CTNNA3: variants seen among roughly 807,000 people sequenced by gnomAD.
CTNNA3 encodes the protein catenin alpha 3, also known as catenin alpha-3.
CTNNA3 carries 76 observed loss-of-function variants against 95.7 expected under a neutral mutation model. The ratio of observed to expected loss-of-function variants is 0.79; its 90% CI spans 0.66 to 0.96. The LOEUF is 0.96. Among genes scored for constraint, CTNNA3 ranks in the 40% least tolerant of loss-of-function variants. CTNNA3 has a pLI of 0.00. For synonymous variants in CTNNA3, 431 were observed against 374.4 expected (o/e 1.15, Z -1.74); for missense variants, 1,191 against 1,089.8 (o/e 1.09, Z -1.31).
At chr10:66,133,290 G>A (rs1018916107) in intron 13 of CTNNA3, among the ~76,000 whole-genome samples, 3 of 152,102 alleles carry the variant, frequency 2.0e-5, no homozygotes, top group African/African-American at 4.8e-5. Flanking sequence ...CAAGACAGGT[G>A]GATTACTTGA....
At chr10:65,947,240 C>A (rs1219448179) in intron 17 of CTNNA3, among the ~76,000 whole-genome samples, 2 of 152,056 alleles carry the variant, frequency 1.3e-5, no homozygotes, top group African/African-American at 4.8e-5. Context: ...AAAACAGTTT[C>A]ATAATAAATA....
chr10:66,159,679 T>C (rs1160596807), intron 13 of CTNNA3, among the ~76,000 whole-genome samples: 2 of 150,108 alleles, frequency 1.3e-5, no homozygotes, highest in African/African-American at 4.9e-5. Context: ...ATTAGCATGA[T>C]GCTGGCTTCA....
intron 7 of CTNNA3, among the ~76,000 whole-genome samples, chr10:67,001,102 A>G (rs1253976695): frequency 6.6e-6 from 1 of 152,038 alleles, no homozygotes; most frequent in South Asian, 2.1e-4. Context: ...GGAGATCGAG[A>G]CCATCCTGGC....
At chr10:66,464,352 G>T (rs983383337) in intron 11 of CTNNA3, among the ~76,000 whole-genome samples, 2 of 152,074 alleles carry the variant, frequency 1.3e-5, no homozygotes, top group Admixed American at 6.6e-5. Context: ...CCACAATATT[G>T]TCACTCATAC....
chr10:66,161,216 C>T (rs1047644917), intron 13 of CTNNA3, among the ~76,000 whole-genome samples: 7 of 152,080 alleles, frequency 4.6e-5, no homozygotes, highest in African/African-American at 1.7e-4. Flanking sequence ...TTGCATTCAT[C>T]ATGCTTTTTG....
rs1460976033 is a variant in CTNNA3 at position 66,845,719 on chromosome 10, A to AT, written c.1048-70196_1048-70195insA. 1.3e-3 allele frequency among the ~76,000 whole-genome samples: 96 copies of AT among 73,218 alleles called. 3 individuals carry two copies. Among genetic ancestry groups the AT allele is most frequent in the African/African-American group, 2.6e-3 (63 of 24,124 alleles). The allele number at this position is 73,218 out of a possible 152,430, so 48.0% of individuals were successfully genotyped here. A position where few individuals can be genotyped will look rare whatever the true frequency, so the allele number is the denominator to read the frequency against. Reference sequence around the variant, plus strand: ...ACTCTGTCTCAAAAAAAAAAAAAAAAAAAAAAAAAACTAAAAAGGTGAGAT... The same window carrying AT: ...ACTCTGTCTCAAAAAAAAAAAAAAAATAAAAAAAAAACTAAAAAGGTGAGAT... On this transcript the variant is annotated intron_variant, in intron 7 of 17. Transcript: ENST00000433211.
intron 15 of CTNNA3, among the ~76,000 whole-genome samples, chr10:65,993,600 T>C (rs987852139): frequency 6.6e-6 from 1 of 152,216 alleles, no homozygotes; most frequent in African/African-American, 2.4e-5. Context: ...GCACCAAATA[T>C]CTTTTTCAAT....
intron 7 of CTNNA3, among the ~76,000 whole-genome samples, chr10:67,001,340 A>C (rs1166836619): frequency 6.6e-6 from 1 of 151,254 alleles, no homozygotes; most frequent in Admixed American, 6.6e-5. Context: ...AAATTAAATA[A>C]ACTAATAATA....
intron 12 of CTNNA3, among the ~76,000 whole-genome samples, chr10:66,285,221 T>C (rs1255797673): frequency 1.3e-5 from 2 of 151,774 alleles, no homozygotes; most frequent in East Asian, 1.9e-4. Context: ...AAGTAAAAAA[T>C]AAAATACTAG....
intron 11 of CTNNA3, among the ~76,000 whole-genome samples, chr10:66,383,603 A>G (rs59305317): frequency 0.017 from 2,581 of 152,268 alleles, 71 homozygotes; most frequent in African/African-American, 0.06. Context: ...GAACACCACA[A>G]AGATACTCCT....
intron 13 of CTNNA3, among the ~76,000 whole-genome samples, chr10:66,144,256 C>T (rs1445001119): frequency 2.0e-5 from 3 of 152,116 alleles, no homozygotes; most frequent in African/African-American, 7.2e-5. Flanking sequence ...TACACAAATA[C>T]TTATGTTTTG....
intron 14 of CTNNA3, among the ~76,000 whole-genome samples, chr10:66,071,066 A>G (rs1410659729): frequency 6.6e-6 from 1 of 152,182 alleles, no homozygotes; most frequent in African/African-American, 2.4e-5. Flanking sequence ...TATGTCATCG[A>G]TCAATTTCAA....
At chr10:67,505,709 G>T (rs569424355) in intron 5 of CTNNA3, among the ~76,000 whole-genome samples, 1 of 152,180 alleles carries the variant, frequency 6.6e-6, no homozygotes, top group African/African-American at 2.4e-5. Flanking sequence ...TCACAAGTCA[G>T]CTGTTAATGC....
intron 1 of CTNNA3, among the ~76,000 whole-genome samples, chr10:67,715,908 C>A (rs1180393706): frequency 6.6e-6 from 1 of 152,028 alleles, no homozygotes; most frequent in Non-Finnish European, 1.5e-5. Flanking sequence ...TAGTTCTTCT[C>A]AAATAATACA....
intron 5 of CTNNA3, among the ~76,000 whole-genome samples, chr10:67,328,594 T>TG (rs1426617976): frequency 6.6e-6 from 1 of 152,196 alleles, no homozygotes; most frequent in Non-Finnish European, 1.5e-5. Flanking sequence ...GTTTGCTCCT[T>TG]GCCAGTGCAA....
chr10:66,970,736 C>G (rs909182956), intron 7 of CTNNA3, among the ~76,000 whole-genome samples: 3 of 152,062 alleles, frequency 2.0e-5, no homozygotes, highest in Non-Finnish European at 2.9e-5. Flanking sequence ...TTCCTTATCT[C>G]CAGGCAGAAC....
intron 5 of CTNNA3, among the ~76,000 whole-genome samples, chr10:67,300,345 C>T (rs1191358991): frequency 6.6e-6 from 1 of 152,194 alleles, no homozygotes; most frequent in Non-Finnish European, 1.5e-5. Flanking sequence ...GATCAGGAAA[C>T]TCAGTTCCAT....
Position 67,003,670 on chromosome 10 carries a change from A to G in CTNNA3, c.1047+176647T>C, listed in dbSNP as rs1424894840. ...TTCAAGTGAGTCTTATTAACATAAA[A>G]CTAGTGGCAAATATTTGGGTGTCCC... On this transcript the variant is annotated intron_variant, in intron 7 of 17. Transcript: ENST00000433211. Among the ~76,000 whole-genome samples, 3 of 152,288 alleles carry G rather than the reference A, an allele frequency of 2.0e-5. No homozygotes were observed. In the East Asian group the frequency reaches 5.8e-4, roughly 29 times the overall value.
rs1483182734 is a variant in CTNNA3, at chr10:67,023,892, T to C, written c.1047+156425A>G. Among the ~76,000 whole-genome samples the C allele has an allele frequency of 2.0e-5, 3 of 152,210 alleles. No homozygotes were observed. The East Asian group carries it at 5.8e-4, about 29-fold the overall frequency. ...AATGACACTCAATACTTGGATGGTG[T>C]TACTATGAAATTCATGGGTAAGAAG... On this transcript the variant is annotated intron_variant, in intron 7 of 17. Transcript: ENST00000433211.
Sources: allele counts gnomAD v4.1 joint callset (sites outside exome capture counted in the v4.1 genomes callset), GRCh38; gene constraint gnomAD v4.1.1; transcripts MANE v1.5; gene names NCBI Gene and HGNC (gene_info 2026-07-23, HGNC 2026-07-21).